CCDC187: variants seen among roughly 807,000 people sequenced by gnomAD.
CCDC187 encodes coiled-coil domain containing 187, also known as coiled-coil domain-containing protein 187.
Under a neutral mutation model 38.0 loss-of-function variants are expected in CCDC187, and 32 were observed. The observed-to-expected ratio is 0.84, with a 90% CI of 0.64 to 1.13. The LOEUF (loss-of-function observed/expected upper bound fraction) is 1.13. Ranked by LOEUF, CCDC187 falls within the 50% of genes most tolerant of loss-of-function variation. CCDC187 has a pLI of 0.00. For missense variants in CCDC187, 707 were observed against 786.8 expected, an observed-to-expected ratio of 0.90 and a Z score of 1.21; for synonymous variants, 333 against 347.9, an observed-to-expected ratio of 0.96 and a Z score of 0.48.
In CCDC187 at chr9:136,290,948, G is replaced by T; in HGVS notation, c.1665C>A (p.Gly555=). The change falls in exon 6 of 26, where the codon GGC becomes GGA. Residue 555 remains glycine (G), a synonymous_variant. Coordinates refer to ENST00000638797, the MANE Select transcript of CCDC187 (RefSeq NM_001378188.1). The stretch of plus-strand genomic sequence containing the variant: ...TTTCCAGAGGGTTCCGCAGTCTGGG[G>T]CCAGGGTCCTCCCAGGTTTCACAGG... ...WTACETWEDP[G]PRLRNPLERP... 1 of 398,716 alleles carries T rather than the reference G, an allele frequency of 2.5e-6. No homozygotes were observed. Among genetic ancestry groups the T allele is most frequent in the Middle Eastern group, 6.3e-4 (1 of 1,592 alleles). 24.7% of individuals were successfully genotyped at this position (398,716 alleles called of 1,614,324 possible).
chr9:136,299,394 C>G (rs1831618390), intron 3 of CCDC187, among the ~76,000 whole-genome samples: 1 of 152,206 alleles, frequency 6.6e-6, no homozygotes, highest in African/African-American at 2.4e-5. Flanking sequence ...CTGGGATGGA[C>G]AGCAACTGTC....
chr9:136,296,917 G>A (rs1257210517), intron 4 of CCDC187, among the ~76,000 whole-genome samples: 5 of 152,162 alleles, frequency 3.3e-5, no homozygotes, highest in African/African-American at 1.2e-4. Context: ...CACACCCCCT[G>A]TGCCTGCACA....
rs977922992 is a variant in CCDC187, at chr9:136,256,833, G to C, written c.4375C>G (p.Gln1459Glu). The stretch of plus-strand genomic sequence containing the variant: ...GCTAAGGAAGGGCCGGGCTTGGTCT[G>C]AGGGTCTCCTGGAGGGCAAAGGGAC... ...EVKEPPPGDP[Q>E]TKPGPSLAGK... Residue 1459 changes from glutamine to glutamate, a missense_variant, in exon 23 of 26, where the codon CAG becomes GAG. Coordinates refer to ENST00000638797, the MANE Select transcript of CCDC187 (RefSeq NM_001378188.1). The C allele has an allele frequency of 9.2e-5, 14 of 152,336 alleles. No homozygotes were observed. The highest frequency in any genetic ancestry group is 3.1e-4 in the African/African-American group (13 of 41,476). 9.4% of individuals were successfully genotyped at this position (152,336 alleles called of 1,614,324 possible). A position where few individuals can be genotyped will look rare whatever the true frequency, so the allele number is the denominator to read the frequency against.
At chr9:136,282,207 A>G (rs1831061906) in intron 9 of CCDC187, among the ~76,000 whole-genome samples, 1 of 152,186 alleles carries the variant, frequency 6.6e-6, no homozygotes, top group African/African-American at 2.4e-5. Context: ...CAAGGCTGGC[A>G]CTGGAGACTG....
chr9:136,257,564 G>A lies in CCDC187; in HGVS notation c.4367-723C>T, dbSNP rs782308520. Among the ~76,000 whole-genome samples the A allele has an allele frequency of 1.2e-4, 18 of 152,212 alleles. No individual in the cohort carries two copies. The highest frequency in any genetic ancestry group is 1.9e-4 in the East Asian group (1 of 5,178). ...ACAGCAAGGCCACCAGTGCACCGCC[G>A]GGGATCACAAAGGGGGACAAAGGGA... On this transcript the variant is annotated intron_variant, in intron 22 of 25. Transcript: ENST00000638797. The surrounding 1 kb of genome is among the most constrained non-coding windows in gnomAD (Gnocchi z 4.5).
rs1399565876 is a variant in CCDC187 at position 136,250,377 on chromosome 9, G to A, written c.*3217C>T. On this transcript the variant is annotated 3_prime_UTR_variant, in exon 26 of 26. Transcript: ENST00000638797. Reference sequence around the variant, plus strand: ...GTGACTGCAGCCGCCACCGCATTGCGCCGCACGTCAGCACCAACCACGTGG... The same window carrying A: ...GTGACTGCAGCCGCCACCGCATTGCACCGCACGTCAGCACCAACCACGTGG... The A allele has an allele frequency of 1.8e-5, 4 of 225,324 alleles. No individual in the cohort carries two copies. Among genetic ancestry groups the A allele is most frequent in the East Asian group, 1.2e-4 (1 of 8,216 alleles). 14.0% of individuals were successfully genotyped at this position (225,324 alleles called of 1,614,324 possible). A position where few individuals can be genotyped will look rare whatever the true frequency, so the allele number is the denominator to read the frequency against.
chr9:136,267,022 C>A (rs1554761720), intron 16 of CCDC187: 1 of 152,332 alleles, frequency 6.6e-6, no homozygotes, highest in Non-Finnish European at 1.5e-5. Flanking sequence ...GCGGAGGTTG[C>A]AGTGAGCCTA....
intron 10 of CCDC187, among the ~76,000 whole-genome samples, chr9:136,278,980 C>T (rs1365569312): frequency 6.6e-6 from 1 of 152,218 alleles, no homozygotes; most frequent in African/African-American, 2.4e-5. Context: ...GAAAGTTCCA[C>T]TGGACAGAGC....
At chr9:136,293,285 T>G (rs1450639689) in intron 4 of CCDC187, among the ~76,000 whole-genome samples, 2 of 137,166 alleles carry the variant, frequency 1.5e-5, no homozygotes, top group Non-Finnish European at 3.1e-5. Flanking sequence ...ACTAACATGC[T>G]CACACACTCA....
intron 10 of CCDC187, among the ~76,000 whole-genome samples, chr9:136,278,432 T>C (rs1164036168): frequency 6.6e-6 from 1 of 152,178 alleles, no homozygotes; most frequent in Non-Finnish European, 1.5e-5. Flanking sequence ...GTCCCCGAGC[T>C]GGGCACGGCC....
chr9:136,305,797 G>A (rs1404523725), upstream of CCDC187, among the ~76,000 whole-genome samples: 4 of 152,202 alleles, frequency 2.6e-5, no homozygotes, highest in African/African-American at 4.8e-5. Context: ...GCAGAGCATC[G>A]CGAGGTCCTG....
chr9:136,298,926 G>A (rs1179511483), intron 3 of CCDC187, among the ~76,000 whole-genome samples: 3 of 152,216 alleles, frequency 2.0e-5, no homozygotes, highest in Non-Finnish European at 4.4e-5. Flanking sequence ...TTTAAAAAAG[G>A]GCCTCCTCCA....
intron 17 of CCDC187, 120 bp downstream of exon 17, chr9:136,265,836 C>T: frequency 2.4e-6 from 1 of 416,404 alleles, no homozygotes; most frequent in African/African-American, 2.2e-5. Context: ...TGGAGGGTGG[C>T]AAGGGCTTGG....
intron 19 of CCDC187, among the ~76,000 whole-genome samples, chr9:136,260,589 C>G (rs571452953): frequency 6.6e-6 from 1 of 152,006 alleles, no homozygotes; most frequent in East Asian, 2.0e-4. Context: ...AGGCACCCCC[C>G]CATCTGACTC....
At position 136,258,302 on chromosome 9, in the gene CCDC187, AC is replaced by A. The variant is rs1179582283; in HGVS notation, c.4366+629del. On this transcript the variant is annotated intron_variant, in intron 22 of 25. Coordinates refer to ENST00000638797, the MANE Select transcript of CCDC187 (RefSeq NM_001378188.1). The surrounding 1 kb of genome is among the most constrained non-coding windows in gnomAD (Gnocchi z 4.3). ...GCTCTCCCTGGCCCCAACGGCAGGG[AC>A]CCCCCAGTCTATGCCACCCCCCTTG... Among the ~76,000 whole-genome samples, 1 of 149,996 alleles carries A rather than the reference AC, an allele frequency of 6.7e-6. No homozygotes were observed. The highest frequency in any genetic ancestry group is 1.5e-5 in the Non-Finnish European group (1 of 67,484).
Position 136,290,940 on chromosome 9 carries a change from A to G in CCDC187, c.1673T>C (p.Leu558Pro), listed in dbSNP as rs1020392970. ...CETWEDPGPR[L>P]RNPLERPSPP... ...ACTGGGCCTTTCCAGAGGGTTCCGC[A>G]GTCTGGGGCCAGGGTCCTCCCAGGT... The change falls in exon 6 of 26, where the codon CTG (leucine) becomes CCG (proline). Residue 558 changes from leucine (L) to proline (P), a missense_variant. Physicochemically the swap from Leu to Pro is moderately conservative, Grantham distance 98. Transcript: ENST00000638797. 1.5e-3 allele frequency: 613 copies of G among 398,628 alleles called. No individual in the cohort carries two copies. The highest frequency in any genetic ancestry group is 2.0e-3 in the Non-Finnish European group (449 of 226,118). The allele number at this position is 398,628 out of a possible 1,614,324, so 24.7% of individuals were successfully genotyped here.
intron 9 of CCDC187, among the ~76,000 whole-genome samples, chr9:136,281,956 C>T (rs1242755815): frequency 3.3e-5 from 5 of 152,138 alleles, no homozygotes; most frequent in African/African-American, 1.2e-4. Flanking sequence ...AAGCCACCAG[C>T]CCACATCTGG....
chr9:136,283,456 G>A (rs1016555932), intron 9 of CCDC187, among the ~76,000 whole-genome samples: 15 of 152,240 alleles, frequency 9.9e-5, no homozygotes, highest in Non-Finnish European at 1.5e-4. Flanking sequence ...CCCGAGCAGC[G>A]GCGGAAGCCT....
At chr9:136,295,562 A>T (rs1459146837) in intron 4 of CCDC187, among the ~76,000 whole-genome samples, 2 of 152,226 alleles carry the variant, frequency 1.3e-5, no homozygotes, top group African/African-American at 4.8e-5. Flanking sequence ...TTTGGCCCGG[A>T]TGGATGAATA....
Sources: allele counts gnomAD v4.1 joint callset (sites outside exome capture counted in the v4.1 genomes callset), GRCh38; gene constraint gnomAD v4.1.1; non-coding constraint Gnocchi (gnomAD v3.1); transcripts MANE v1.5; gene names NCBI Gene and HGNC (gene_info 2026-07-23, HGNC 2026-07-21).